Variants in COL6A5 observed in about 807,000 individuals in gnomAD.
The protein encoded by COL6A5 is collagen type VI alpha 5 chain.
Under a neutral mutation model 65.6 loss-of-function variants are expected in COL6A5, and 48 were observed. The observed-to-expected ratio is 0.73, with a 90% CI of 0.58 to 0.93. The LOEUF is 0.93. Among genes scored for constraint, COL6A5 ranks in the 40% least tolerant of loss-of-function variants. COL6A5 has a pLI of 0.00. For synonymous variants in COL6A5, 291 were observed against 322.8 expected, an observed-to-expected ratio of 0.90 and a Z score of 1.05; for missense variants, 914 against 928.3, an observed-to-expected ratio of 0.98 and a Z score of 0.20.
At chr3:130,362,890 C>T (rs947895209) in intron 1 of COL6A5, among the ~76,000 whole-genome samples, 6 of 152,130 alleles carry the variant, frequency 3.9e-5, no homozygotes, top group African/African-American at 1.4e-4. Context: ...CTTTCTCTAT[C>T]CAATTTCTTT....
intron 1 of COL6A5, among the ~76,000 whole-genome samples, chr3:130,360,998 C>T (rs900834923): frequency 9.2e-5 from 14 of 151,836 alleles, no homozygotes; most frequent in African/African-American, 2.7e-4. Flanking sequence ...TTCCTATATG[C>T]CCCCCTACCC....
At chr3:130,441,545 A>G (rs983599132) in intron 3 of COL6A5, among the ~76,000 whole-genome samples, 1 of 150,710 alleles carries the variant, frequency 6.6e-6, no homozygotes, top group Non-Finnish European at 1.5e-5. Flanking sequence ...ACTCTGTCTC[A>G]TTGAACAGGA....
At chr3:130,413,619 G>T in intron 21 of COL6A5, 39 bp downstream of exon 21, 1 of 1,538,136 alleles carries the variant, frequency 6.5e-7, no homozygotes, top group Non-Finnish European at 8.8e-7. Context: ...TGGTTGATGG[G>T]ACCAAGGAGG....
At chr3:130,362,929 G>T (rs981485331) in intron 1 of COL6A5, among the ~76,000 whole-genome samples, 1 of 152,108 alleles carries the variant, frequency 6.6e-6, no homozygotes, top group Non-Finnish European at 1.5e-5. Context: ...ATTTAAACAG[G>T]TTCCTTGAAG....
intron 4 of COL6A5, among the ~76,000 whole-genome samples, chr3:130,452,536 G>A (rs532414918): frequency 6.6e-6 from 1 of 152,260 alleles, no homozygotes; most frequent in Admixed American, 6.5e-5. Context: ...AAAAGGGGAG[G>A]GAGTGTACGA....
At chr3:130,366,439 G>A (rs1230032300) in intron 1 of COL6A5, among the ~76,000 whole-genome samples, 8 of 152,054 alleles carry the variant, frequency 5.3e-5, no homozygotes, top group African/African-American at 1.5e-4. Context: ...TATGCCTTTC[G>A]TTGAGCCCAT....
chr3:130,468,814 A>G (rs1709877616), exon 6 of COL6A5: 4 of 1,608,302 alleles, frequency 2.5e-6, no homozygotes, highest in Admixed American at 3.4e-5. Flanking sequence ...ATTATGGCAG[A>G]AAAGAAGAAC....
At chr3:130,467,965 A>G (rs771153308) in intron 5 of COL6A5, among the ~76,000 whole-genome samples, 1 of 152,036 alleles carries the variant, frequency 6.6e-6, no homozygotes, top group Non-Finnish European at 1.5e-5. Context: ...CCAATCAGCC[A>G]TCATTCATAT....
chr3:130,372,067 A>G (rs1434530796), intron 1 of COL6A5, among the ~76,000 whole-genome samples: 2 of 152,228 alleles, frequency 1.3e-5, no homozygotes, highest in Non-Finnish European at 2.9e-5. Context: ...ACAAATGGCC[A>G]TTAAGTACCT....
At position 130,398,010 on chromosome 3, in the gene COL6A5, C is replaced by G. The variant is rs1482407602; in HGVS notation, c.3910-20C>G. ...TTATATATTTAGCTTTTACACCATA[C>G]CATTTTCTTATTTCTCCAGGTGCTG... On this transcript the variant is annotated intron_variant and NMD_transcript_variant, in intron 9 of 41. Coordinates refer to the COL6A5 transcript ENST00000312481. The G allele has an allele frequency of 1.3e-6, 2 of 1,539,886 alleles. No individual in the cohort carries two copies. The highest frequency in any genetic ancestry group is 3.0e-5 in the African/African-American group (2 of 66,756).
At chr3:130,386,563 A>G (rs1345686635) in intron 5 of COL6A5, among the ~76,000 whole-genome samples, 1 of 152,094 alleles carries the variant, frequency 6.6e-6, no homozygotes, top group Non-Finnish European at 1.5e-5. Flanking sequence ...TATGGACAGT[A>G]ACAGAGTTGG....
At chr3:130,401,073 A>C (rs1323406580) in exon 11 of COL6A5, 19 of 1,551,372 alleles carry the variant, frequency 1.2e-5, no homozygotes, top group Non-Finnish European at 1.7e-5. Context: ...ACAACTGCTC[A>C]TCATGAGTTT....
chr3:130,373,425 G>T (rs1027293535), intron 1 of COL6A5, among the ~76,000 whole-genome samples, 186 bp from the exon 2 acceptor site: 1 of 152,102 alleles, frequency 6.6e-6, no homozygotes. Flanking sequence ...CTTGGCCAGG[G>T]CTCAGCAAAC....
At chr3:130,421,280 G>C (rs1291447960) in intron 26 of COL6A5, 45 bp from the exon 27 acceptor site, 1 of 1,548,128 alleles carries the variant, frequency 6.5e-7, no homozygotes. Flanking sequence ...TCATACTGCA[G>C]AAGTGATATG....
At chr3:130,455,614 G>A in exon 5 of COL6A5, 1 of 1,613,086 alleles carries the variant, frequency 6.2e-7, no homozygotes, top group Non-Finnish European at 8.5e-7. Flanking sequence ...AAAAATTAAT[G>A]ATCAATTATG....
At chr3:130,453,206 A>G (rs1001520113) in intron 4 of COL6A5, among the ~76,000 whole-genome samples, 3 of 152,172 alleles carry the variant, frequency 2.0e-5, no homozygotes, top group African/African-American at 2.4e-5. Flanking sequence ...AAATCACAAG[A>G]GTATTGATTG....
chr3:130,477,736 T>C (rs1263157103), intron 7 of COL6A5, among the ~76,000 whole-genome samples: 1 of 152,064 alleles, frequency 6.6e-6, no homozygotes, highest in East Asian at 1.9e-4. Context: ...CATAGTATTA[T>C]AAATATCAAG....
Position 130,416,744 on chromosome 3 carries a change from A to ATTTTTTTTTT in COL6A5, c.4825-4_4825-3insTTTTTTTTTT. 1 of 1,404,448 alleles carries ATTTTTTTTTT rather than the reference A, an allele frequency of 7.1e-7. No homozygotes were observed. The highest frequency in any genetic ancestry group is 9.7e-7 in the Non-Finnish European group (1 of 1,030,462). The allele number at this position is 1,404,448 out of a possible 1,614,324, so 87.0% of individuals were successfully genotyped here. A position where few individuals can be genotyped will look rare whatever the true frequency, so the allele number is the denominator to read the frequency against. ...TACGGTGCCAACATTTTAGTCTCTA[A>ATTTTTTTTTT]TTTTTTTTTCAGGGTTCTCCTGGGC... On this transcript the variant is annotated splice_polypyrimidine_tract_variant and intron_variant and NMD_transcript_variant, in intron 23 of 41. Coordinates refer to the COL6A5 transcript ENST00000312481.
At chr3:130,348,700 T>A (rs1222384612) in intron 1 of COL6A5, among the ~76,000 whole-genome samples, 1 of 152,246 alleles carries the variant, frequency 6.6e-6, no homozygotes, top group Non-Finnish European at 1.5e-5. Context: ...ATCGCCATAC[T>A]GTCTTCCACA....
Sources: allele counts gnomAD v4.1 joint callset (sites outside exome capture counted in the v4.1 genomes callset), GRCh38; gene constraint gnomAD v4.1.1; transcripts MANE v1.5; gene names NCBI Gene and HGNC (gene_info 2026-07-23, HGNC 2026-07-21).